The following SAMMSON variants were observed in gnomAD, a reference collection of about 807,000 sequenced individuals.
The protein encoded by SAMMSON is long intergenic non-protein coding RNA 1212.
chr3:70,315,118 C>A (rs1702486514), intron 7 of SAMMSON, among the ~76,000 whole-genome samples: 1 of 152,096 alleles, frequency 6.6e-6, no homozygotes, highest in African/African-American at 2.4e-5. Context: ...AATCTCTGTA[C>A]AAGAGTTTAT....
intron 2 of SAMMSON, among the ~76,000 whole-genome samples, chr3:70,425,689 G>A (rs1252805785): frequency 6.6e-6 from 1 of 152,008 alleles, no homozygotes; most frequent in Non-Finnish European, 1.5e-5. Flanking sequence ...TTACAGGCAT[G>A]AGCCACCGTG....
At chr3:70,254,866 T>G (rs989249775) in intron 6 of SAMMSON, among the ~76,000 whole-genome samples, 1 of 152,220 alleles carries the variant, frequency 6.6e-6, no homozygotes, top group Non-Finnish European at 1.5e-5. Flanking sequence ...TTTAAAAAAC[T>G]GAGAGCATAT....
intron 4 of SAMMSON, among the ~76,000 whole-genome samples, chr3:70,135,508 C>T (rs572854746): frequency 1.3e-5 from 2 of 152,038 alleles, no homozygotes; most frequent in African/African-American, 4.8e-5. Context: ...TACCTTAATG[C>T]AAGCCGGAAA....
At chr3:70,367,320 T>C (rs1266184620) in intron 9 of SAMMSON, among the ~76,000 whole-genome samples, 7 of 151,594 alleles carry the variant, frequency 4.6e-5, no homozygotes, top group Admixed American at 4.6e-4. Context: ...ACCCATCTTT[T>C]CCCCCATCTT....
chr3:70,272,979 G>A (rs532089930), intron 6 of SAMMSON, among the ~76,000 whole-genome samples: 94 of 152,234 alleles, frequency 6.2e-4, no homozygotes, highest in Middle Eastern at 3.4e-3. Context: ...GCATCTTTTC[G>A]GCTTCAGTCC....
At chr3:70,000,084 G>A (rs779527581) in intron 1 of SAMMSON, among the ~76,000 whole-genome samples, 4 of 152,194 alleles carry the variant, frequency 2.6e-5, no homozygotes, top group Non-Finnish European at 5.9e-5. Flanking sequence ...TTGCGATAAG[G>A]TAGAGGGTCC....
At chr3:70,358,403 T>A (rs1702845428) in intron 9 of SAMMSON, 1 of 152,172 alleles carries the variant, frequency 6.6e-6, no homozygotes, top group African/African-American at 2.4e-5. Flanking sequence ...TTTTTCCTCC[T>A]GAAAAGCTGG....
chr3:70,022,196 A>C (rs1468589422), intron 3 of SAMMSON, among the ~76,000 whole-genome samples: 3 of 149,792 alleles, frequency 2.0e-5, no homozygotes, highest in African/African-American at 7.3e-5. Context: ...CCAGTAATTC[A>C]GGGGATTCAA....
chr3:70,311,858 A>G (rs568385427), intron 7 of SAMMSON: 61 of 397,400 alleles, frequency 1.5e-4, no homozygotes, highest in Non-Finnish European at 2.5e-4. Flanking sequence ...TTTCACACCA[A>G]TAGAAAATCA....
chr3:70,288,639 G>A (rs145171785), intron 6 of SAMMSON, among the ~76,000 whole-genome samples: 1,602 of 151,784 alleles, frequency 0.011, 12 homozygotes, highest in Middle Eastern at 0.024. Context: ...TCGTTGATCC[G>A]TCTAATGTTC....
chr3:70,385,518 C>G (rs548921263), intron 9 of SAMMSON, among the ~76,000 whole-genome samples: 4 of 152,132 alleles, frequency 2.6e-5, no homozygotes, highest in African/African-American at 9.6e-5. Flanking sequence ...ACATACAGCA[C>G]TCTGCTAGGC....
intron 6 of SAMMSON, among the ~76,000 whole-genome samples, chr3:70,278,855 T>C (rs1575613684): frequency 6.6e-6 from 1 of 151,918 alleles, no homozygotes; most frequent in East Asian, 1.9e-4. Flanking sequence ...AATCAAAGGG[T>C]TGTTGTAAAA....
chr3:70,129,873 T>C (rs529981122), intron 4 of SAMMSON, among the ~76,000 whole-genome samples: 1 of 152,340 alleles, frequency 6.6e-6, no homozygotes, highest in Non-Finnish European at 1.5e-5. Context: ...AAAACATTAT[T>C]TATTTAATGT....
chr3:70,309,811 G>A (rs1295368060), intron 7 of SAMMSON, among the ~76,000 whole-genome samples: 1 of 152,118 alleles, frequency 6.6e-6, no homozygotes, highest in Non-Finnish European at 1.5e-5. Context: ...TAGCTTAAAT[G>A]AAGTGTCCAA....
At chr3:70,194,941 G>A (rs1053793045) in intron 4 of SAMMSON, among the ~76,000 whole-genome samples, 2 of 152,144 alleles carry the variant, frequency 1.3e-5, no homozygotes, top group African/African-American at 4.8e-5. Context: ...GGAAGCACTA[G>A]GAGGTGCAAG....
intron 6 of SAMMSON, among the ~76,000 whole-genome samples, chr3:70,288,022 T>C (rs1702186548): frequency 6.6e-6 from 1 of 151,922 alleles, no homozygotes; most frequent in African/African-American, 2.4e-5. Flanking sequence ...CCTGGATTCA[T>C]TAATTTTTTG....
At chr3:70,279,317 T>C (rs114091341) in intron 6 of SAMMSON, among the ~76,000 whole-genome samples, 415 of 152,194 alleles carry the variant, frequency 2.7e-3, no homozygotes, top group Middle Eastern at 0.014. Flanking sequence ...TGAACACATA[T>C]GGAGTGGGTG....
At chr3:70,255,547 A>T (rs2106656144) in intron 6 of SAMMSON, among the ~76,000 whole-genome samples, 1 of 152,172 alleles carries the variant, frequency 6.6e-6, no homozygotes, top group East Asian at 1.9e-4. Flanking sequence ...TCAGTCCTGC[A>T]GCCTCAGTCC....
rs573026076 is a variant in SAMMSON at position 70,252,598 on chromosome 3, A to G, written n.674+2928A>G. On this transcript the variant is annotated intron_variant and non_coding_transcript_variant, in intron 6 of 9. Transcript: ENST00000642114. ...GCCAGATAACAGGAATGAGATATCC[A>G]TGGTAAACCGGAGAAGATGTGCCCC... is the stretch of plus-strand genomic sequence containing the variant. Among the ~76,000 whole-genome samples, 3 of 152,316 alleles carry G rather than the reference A, an allele frequency of 2.0e-5. No homozygotes were observed. In the South Asian group the frequency reaches 6.2e-4, roughly 32 times the overall value.
Sources: allele counts gnomAD v4.1 joint callset (sites outside exome capture counted in the v4.1 genomes callset), GRCh38; gene constraint gnomAD v4.1.1; transcripts MANE v1.5; gene names NCBI Gene and HGNC (gene_info 2026-07-23, HGNC 2026-07-21).